The following MARCHF6 variants were observed in gnomAD, a reference collection of about 807,000 sequenced individuals.
The protein encoded by MARCHF6 is E3 ubiquitin-protein ligase MARCHF6.
Under a neutral mutation model 133.7 loss-of-function variants are expected in MARCHF6, and 31 were observed. The ratio of observed to expected loss-of-function variants is 0.23; its 90% CI spans 0.17 to 0.31. The LOEUF is 0.31. Among genes scored for constraint, MARCHF6 ranks in the 10% least tolerant of loss-of-function variants. The pLI is 1.00. For synonymous variants in MARCHF6, 395 were observed against 402.5 expected, an observed-to-expected ratio of 0.98 and a Z score of 0.22; for missense variants, 723 against 1,121.6, an observed-to-expected ratio of 0.64 and a Z score of 5.08.
intron 1 of MARCHF6, among the ~76,000 whole-genome samples, chr5:10,368,916 C>G (rs193049457): frequency 1.3e-5 from 2 of 151,652 alleles, no homozygotes; most frequent in African/African-American, 4.9e-5. Context: ...CCATTGCACT[C>G]CAGCCTTGAT....
intron 4 of MARCHF6, among the ~76,000 whole-genome samples, chr5:10,382,270 C>T (rs548556321): frequency 6.6e-6 from 1 of 152,190 alleles, no homozygotes; most frequent in East Asian, 1.9e-4. Flanking sequence ...GACGGCCGGG[C>T]GCGGTGGCTT....
intron 23 of MARCHF6, among the ~76,000 whole-genome samples, chr5:10,425,061 A>C (rs560956768): frequency 5.1e-4 from 78 of 152,372 alleles, no homozygotes; most frequent in Non-Finnish European, 1.0e-3. Flanking sequence ...TAAGTAAGAC[A>C]TAACAGTTCT....
chr5:10,404,031 CTTTATTTATTTA>C (rs36021721), intron 15 of MARCHF6, among the ~76,000 whole-genome samples: 2,169 of 143,426 alleles, frequency 0.015, 48 homozygotes, highest in African/African-American at 0.045. Flanking sequence ...GATGGATTAC[CTTTATTTATTTA>C]TTTATTTATT....
intron 22 of MARCHF6, among the ~76,000 whole-genome samples, chr5:10,421,768 G>A (rs955945600): frequency 2.0e-5 from 3 of 152,216 alleles, no homozygotes; most frequent in Non-Finnish European, 4.4e-5. Context: ...GTGAGAAAAA[G>A]CAGGGAGGCT....
At chr5:10,409,183 T>C (rs1184936471) in intron 17 of MARCHF6, among the ~76,000 whole-genome samples, 4 of 152,224 alleles carry the variant, frequency 2.6e-5, no homozygotes, top group Non-Finnish European at 5.9e-5. Flanking sequence ...AGGTTTACTC[T>C]ACACATAGTA....
In MARCHF6 at chr5:10,439,047, G is replaced by C. The variant is rs1740756340; in HGVS notation, c.*5363G>C. On this transcript the variant is annotated 3_prime_UTR_variant, in exon 26 of 26. Coordinates refer to ENST00000274140, the MANE Select transcript of MARCHF6 (RefSeq NM_005885.4). Reference sequence around the variant, plus strand: ...TGTTTGTTCAGTAACTCTTCTTTAGGATACACCTAAAGATGAGAAGCTTCA... The same window carrying C: ...TGTTTGTTCAGTAACTCTTCTTTAGCATACACCTAAAGATGAGAAGCTTCA... The C allele has an allele frequency of 6.6e-6, 1 of 152,068 alleles. No homozygotes were observed. Among genetic ancestry groups the C allele is most frequent in the African/African-American group, 2.4e-5 (1 of 41,380 alleles). 9.4% of individuals were successfully genotyped at this position (152,068 alleles called of 1,614,324 possible).
intron 15 of MARCHF6, among the ~76,000 whole-genome samples, chr5:10,405,282 G>A (rs1053794149): frequency 6.6e-6 from 1 of 151,864 alleles, no homozygotes; most frequent in Non-Finnish European, 1.5e-5. Context: ...CGTCTCAGAG[G>A]TCTAGATTTC....
intron 11 of MARCHF6, 175 bp downstream of exon 11, chr5:10,401,017 G>T (rs781403831): frequency 1.6e-4 from 86 of 543,406 alleles, no homozygotes; most frequent in Non-Finnish European, 2.4e-4. Context: ...AAGAGATAGT[G>T]GTCATGTTGC....
chr5:10,425,130 G>A (rs1740016450), intron 23 of MARCHF6, among the ~76,000 whole-genome samples: 2 of 152,206 alleles, frequency 1.3e-5, no homozygotes, highest in Non-Finnish European at 2.9e-5. Context: ...AGTTAGCCAA[G>A]CATGCTCAAG....
Position 10,405,681 on chromosome 5 carries a change from A to G in MARCHF6, c.1452+4A>G, listed in dbSNP as rs1361203505. Reference sequence around the variant, plus strand: ...CCGAAGATTTATTTTGTCAGTGGTAAGAAGATGTTTCCATTGTTTTTTTTT... The same window carrying G: ...CCGAAGATTTATTTTGTCAGTGGTAGGAAGATGTTTCCATTGTTTTTTTTT... On this transcript the variant is annotated splice_donor_region_variant and intron_variant, in intron 16 of 25. Coordinates refer to ENST00000274140, the MANE Select transcript of MARCHF6 (RefSeq NM_005885.4). 6.3e-7 allele frequency: 1 copy of G among 1,580,866 alleles called. No individual in the cohort carries two copies. The highest frequency in any genetic ancestry group is 8.5e-7 in the Non-Finnish European group (1 of 1,170,600).
intron 23 of MARCHF6, among the ~76,000 whole-genome samples, chr5:10,425,653 A>G (rs1472428523): frequency 1.3e-5 from 2 of 152,220 alleles, no homozygotes; most frequent in Non-Finnish European, 2.9e-5. Context: ...GAGTTATGCT[A>G]CATTCAGTCA....
At chr5:10,433,398 C>G (rs1434717279) in intron 25 of MARCHF6, among the ~76,000 whole-genome samples, 196 bp from the exon 26 acceptor site, 1 of 152,228 alleles carries the variant, frequency 6.6e-6, no homozygotes, top group African/African-American at 2.4e-5. Context: ...GCCTTCCAGC[C>G]TGTGCTGCTT....
intron 22 of MARCHF6, among the ~76,000 whole-genome samples, chr5:10,420,346 G>A (rs779509975): frequency 4.3e-4 from 65 of 152,152 alleles, no homozygotes; most frequent in Non-Finnish European, 2.1e-4. Flanking sequence ...TTGCAGGTAT[G>A]TTACATTGCA....
At chr5:10,369,277 A>C (rs1348046386) in intron 1 of MARCHF6, among the ~76,000 whole-genome samples, 1 of 152,200 alleles carries the variant, frequency 6.6e-6, no homozygotes, top group East Asian at 1.9e-4. Context: ...TTGATGACCA[A>C]TGCTGATGAT....
chr5:10,366,156 T>C (rs1396211087), intron 1 of MARCHF6, among the ~76,000 whole-genome samples: 1 of 152,112 alleles, frequency 6.6e-6, no homozygotes, highest in Non-Finnish European at 1.5e-5. Flanking sequence ...GGTTTCGAAC[T>C]TCTGGACTCA....
At chr5:10,409,406 G>A (rs114792515) in intron 17 of MARCHF6, among the ~76,000 whole-genome samples, 139 of 152,342 alleles carry the variant, frequency 9.1e-4, no homozygotes, top group African/African-American at 3.3e-3. Flanking sequence ...CCTGAAGGCA[G>A]AATATTCTTG....
intron 11 of MARCHF6, 155 bp downstream of exon 11, chr5:10,400,997 A>G (rs1367173738): frequency 1.7e-6 from 1 of 602,462 alleles, no homozygotes; most frequent in Non-Finnish European, 2.9e-6. Context: ...AAAAAAAATA[A>G]CAGTGGCTCA....
chr5:10,387,310 T>C (rs888652007), intron 5 of MARCHF6, among the ~76,000 whole-genome samples: 43 of 151,666 alleles, frequency 2.8e-4, no homozygotes, highest in African/African-American at 9.7e-4. Flanking sequence ...TTCTTTCTTT[T>C]TTTTTTTTTT....
At chr5:10,405,337 TAGTGAATGATGATGTCAAA>T (rs1173893132) in intron 15 of MARCHF6, among the ~76,000 whole-genome samples, 1 of 152,072 alleles carries the variant, frequency 6.6e-6, no homozygotes, top group Non-Finnish European at 1.5e-5. Context: ...CCCCCGCCCC[TAGTGAATGATGATGTCAAA>T]GGACATCATC....
Sources: allele counts gnomAD v4.1 joint callset (sites outside exome capture counted in the v4.1 genomes callset), GRCh38; gene constraint gnomAD v4.1.1; transcripts MANE v1.5; gene names NCBI Gene and HGNC (gene_info 2026-07-23, HGNC 2026-07-21).